GJD2: variants seen among roughly 807,000 people sequenced by gnomAD.
GJD2 encodes the protein gap junction protein delta 2.
In GJD2, 12 loss-of-function variants were observed where a neutral mutation model predicts 24.3. That is an observed-to-expected ratio of 0.49 (90% CI 0.32 to 0.80). The LOEUF (loss-of-function observed/expected upper bound fraction) is 0.80. GJD2 is among the 30% of genes least tolerant of loss of function. The probability of loss-of-function intolerance (pLI) is 0.04; values close to 1 mark genes in which losing one functional copy is unlikely to be tolerated. For synonymous variants in GJD2, 171 were observed against 155.2 expected (o/e 1.10, Z -0.76); for missense variants, 268 against 402.4 (o/e 0.67, Z 2.86).
Position 34,754,994 on chromosome 15 carries a change from T to A in GJD2, c.-506A>T, listed in dbSNP as rs1163153647. The A allele has an allele frequency of 6.5e-6, 1 of 152,926 alleles. No individual in the cohort carries two copies. The highest frequency in any genetic ancestry group is 1.5e-5 in the Non-Finnish European group (1 of 68,602). The allele number at this position is 152,926 out of a possible 1,614,324, so 9.5% of individuals were successfully genotyped here. A position where few individuals can be genotyped will look rare whatever the true frequency, so the allele number is the denominator to read the frequency against. ...CGGAGCCGAATGCTGGGCTCGGGGA[T>A]CCGCGGCCGCCGCCTCTAATCCGCC... On this transcript the variant is annotated 5_prime_UTR_variant, in exon 1 of 2. Transcript: ENST00000290374. The surrounding 1 kb of genome is among the most constrained non-coding windows in gnomAD (Gnocchi z 5.9).
chr15:34,753,186 C>A lies in GJD2; in HGVS notation c.258G>T (p.Val86=), dbSNP rs145061104. ...IRYWVFQIIM[V]CTPSLCFITY... ...TGATGAAGCAAAGACTGGGGGTACA[C>A]ACCATTATGATCTGGAAGACCCAGT... Residue 86 remains valine (V), a synonymous_variant, in exon 2 of 2, where the codon GTG becomes GTT. Transcript: ENST00000290374. 38 of 1,613,998 alleles carry A rather than the reference C, an allele frequency of 2.4e-5. No homozygotes were observed. Among genetic ancestry groups the A allele is most frequent in the Non-Finnish European group, 3.2e-5 (38 of 1,180,024 alleles).
chr15:34,754,398 C>A lies in GJD2; in HGVS notation c.71+20G>T, dbSNP rs746975619. On this transcript the variant is annotated intron_variant, in intron 1 of 1. Coordinates refer to ENST00000290374, the MANE Select transcript of GJD2 (RefSeq NM_020660.3). This position sits in a 1 kb window ranked among gnomAD's most constrained non-coding sequence, Gnocchi z 5.9. ...GGGCCGCCCGACGGGGCCCCCTGACCGCCGGCTTGGCGCCCTTACCTCCCG... is the reference window on the plus strand; with the variant it reads ...GGGCCGCCCGACGGGGCCCCCTGACAGCCGGCTTGGCGCCCTTACCTCCCG... 4 of 1,608,936 alleles carry A rather than the reference C, an allele frequency of 2.5e-6. No individual in the cohort carries two copies. Among genetic ancestry groups the A allele is most frequent in the Non-Finnish European group, 3.4e-6 (4 of 1,175,792 alleles).
rs960865184 is a variant in GJD2, at chr15:34,754,447, C to T, written c.42G>A (p.Ala14=). ...CGATCATAGTGGAGTGCTGCTGCAC[C>T]GCGGCTTCTAGCAGCCTCTCCAAGA... ...WTILERLLEA[A]VQQHSTMIGR... The change falls in exon 1 of 2, where the codon GCG becomes GCA. Residue 14 remains alanine (A), a synonymous_variant. Coordinates refer to ENST00000290374, the MANE Select transcript of GJD2 (RefSeq NM_020660.3). The surrounding 1 kb of genome is among the most constrained non-coding windows in gnomAD (Gnocchi z 5.9). The T allele has an allele frequency of 1.2e-5, 20 of 1,613,860 alleles. No individual in the cohort carries two copies. Among genetic ancestry groups the T allele is most frequent in the African/African-American group, 1.3e-5 (1 of 74,914 alleles).
Position 34,754,368 on chromosome 15 carries a change from C to T in GJD2, c.71+50G>A, listed in dbSNP as rs1891154366. Reference sequence around the variant, plus strand: ...CTCAGTCCAGGTGTGAGAAGGGACTCCCGGGGGCCGCCCGACGGGGCCCCC... The same window carrying T: ...CTCAGTCCAGGTGTGAGAAGGGACTTCCGGGGGCCGCCCGACGGGGCCCCC... On this transcript the variant is annotated intron_variant, in intron 1 of 1. Coordinates refer to ENST00000290374, the MANE Select transcript of GJD2 (RefSeq NM_020660.3). This position sits in a 1 kb window ranked among gnomAD's most constrained non-coding sequence, Gnocchi z 5.9. 1 of 1,358,446 alleles carries T rather than the reference C, an allele frequency of 7.4e-7. No individual in the cohort carries two copies. The highest frequency in any genetic ancestry group is 1.4e-5 in the African/African-American group (1 of 70,170). The allele number at this position is 1,358,446 out of a possible 1,614,324, so 84.1% of individuals were successfully genotyped here.
rs1421372593 is a variant in GJD2 at position 34,754,685 on chromosome 15, C to T, written c.-197G>A. 1.7e-6 allele frequency: 1 copy of T among 574,792 alleles called. No homozygotes were observed. Among genetic ancestry groups the T allele is most frequent in the African/African-American group, 1.9e-5 (1 of 52,958 alleles). The allele number at this position is 574,792 out of a possible 1,614,324, so 35.6% of individuals were successfully genotyped here. The stretch of plus-strand genomic sequence containing the variant: ...GAAGAAATGGGGAAAGAAATCCAAG[C>T]GCGTCCCGACCGATGGGGCAGTTGG... On this transcript the variant is annotated 5_prime_UTR_variant, in exon 1 of 2. Transcript: ENST00000290374. This position sits in a 1 kb window ranked among gnomAD's most constrained non-coding sequence, Gnocchi z 5.9.
rs760821877 is a variant in GJD2, at chr15:34,754,281, G to A, written c.71+137C>T. 6 of 666,418 alleles carry A rather than the reference G, an allele frequency of 9.0e-6. No individual in the cohort carries two copies. The highest frequency in any genetic ancestry group is 2.4e-5 in the Admixed American group (1 of 41,728). 41.3% of individuals were successfully genotyped at this position (666,418 alleles called of 1,614,324 possible). On this transcript the variant is annotated intron_variant, in intron 1 of 1. Coordinates refer to ENST00000290374, the MANE Select transcript of GJD2 (RefSeq NM_020660.3). This position sits in a 1 kb window ranked among gnomAD's most constrained non-coding sequence, Gnocchi z 5.9. ...GTAATCCCTCATCGCCGGGAACACCGGAGCCTTGACCTAGGACGATGGGGA... is the reference window on the plus strand; with the variant it reads ...GTAATCCCTCATCGCCGGGAACACCAGAGCCTTGACCTAGGACGATGGGGA...
chr15:34,751,300 A>G lies in GJD2; in HGVS notation c.*1178T>C, dbSNP rs1891099689. 6.6e-6 allele frequency: 1 copy of G among 152,258 alleles called. No individual in the cohort carries two copies. Among genetic ancestry groups the G allele is most frequent in the African/African-American group, 2.4e-5 (1 of 41,474 alleles). The allele number at this position is 152,258 out of a possible 1,614,324, so 9.4% of individuals were successfully genotyped here. On this transcript the variant is annotated 3_prime_UTR_variant, in exon 2 of 2. Coordinates refer to ENST00000290374, the MANE Select transcript of GJD2 (RefSeq NM_020660.3). ...CAATAGGTTTTTGAACCTTTGGTAT[A>G]TGTCTCAAATAAGTCACCGTAAACA...
rs572193 is a variant in GJD2, at chr15:34,751,955, G to A, written c.*523C>T. 12,163 of 21,060 alleles carry A rather than the reference G, an allele frequency of 0.58. 3,482 individuals are homozygous for A. The highest frequency in any genetic ancestry group is 0.67 in the Non-Finnish European group (7,873 of 11,774). The allele number at this position is 21,060 out of a possible 1,614,324, so 1.3% of individuals were successfully genotyped here. On this transcript the variant is annotated 3_prime_UTR_variant, in exon 2 of 2. Transcript: ENST00000290374. ...AGGTCTAATGTAAGGCCAGATTCTG[G>A]AAAAAAAAAAAAAAAAAAAAAAAAA...
rs1337402797 is a variant in GJD2 at position 34,753,234 on chromosome 15, G to C, written c.210C>G (p.Ala70=). ...PGCNQACYDR[A]FPISHIRYWV... ...AGTAACGTATGTGGGAGATGGGGAA[G>C]GCGCGGTCATAGCAGGCCTGGTTAC... Residue 70 remains alanine, a synonymous_variant, in exon 2 of 2, where the codon GCC becomes GCG. Transcript: ENST00000290374. 1.2e-6 allele frequency: 2 copies of C among 1,614,084 alleles called. No homozygotes were observed. Among genetic ancestry groups the C allele is most frequent in the Non-Finnish European group, 1.7e-6 (2 of 1,180,034 alleles).
chr15:34,753,489 C>T, intron 1 of GJD2, 117 bp from the exon 2 acceptor site: 3 of 886,600 alleles, frequency 3.4e-6, no homozygotes, highest in Non-Finnish European at 5.1e-6. Context: ...GGGAGCTGTC[C>T]ATCCCGGGCT....
Position 34,751,838 on chromosome 15 carries a change from G to T in GJD2, c.*640C>A, listed in dbSNP as rs985445805. The T allele has an allele frequency of 3.4e-5, 5 of 147,146 alleles. No individual in the cohort carries two copies. The highest frequency in any genetic ancestry group is 1.4e-4 in the Admixed American group (2 of 14,392). 9.1% of individuals were successfully genotyped at this position (147,146 alleles called of 1,614,324 possible). A position where few individuals can be genotyped will look rare whatever the true frequency, so the allele number is the denominator to read the frequency against. The stretch of plus-strand genomic sequence containing the variant: ...AGGTTTTCATCACGACTAAGGGCCA[G>T]TCAGATGGGGCTCTAATGAAAACCT... On this transcript the variant is annotated 3_prime_UTR_variant, in exon 2 of 2. Coordinates refer to ENST00000290374, the MANE Select transcript of GJD2 (RefSeq NM_020660.3).
Position 34,751,961 on chromosome 15 carries a change from A to G in GJD2, c.*517T>C, listed in dbSNP as rs1881784630. The G allele has an allele frequency of 2.0e-5, 3 of 146,500 alleles. No homozygotes were observed. The highest frequency in any genetic ancestry group is 4.5e-5 in the Non-Finnish European group (3 of 66,896). 9.1% of individuals were successfully genotyped at this position (146,500 alleles called of 1,614,324 possible). A position where few individuals can be genotyped will look rare whatever the true frequency, so the allele number is the denominator to read the frequency against. ...AATGTAAGGCCAGATTCTGGAAAAA[A>G]AAAAAAAAAAAAAAAAAAAGCTGGC... On this transcript the variant is annotated 3_prime_UTR_variant, in exon 2 of 2. Transcript: ENST00000290374.
chr15:34,753,939 G>A (rs1891148218), intron 1 of GJD2, among the ~76,000 whole-genome samples: 4 of 152,146 alleles, frequency 2.6e-5, no homozygotes. Flanking sequence ...AATTGGGTGT[G>A]TAGGCTCGGT....
intron 1 of GJD2, 101 bp from the exon 2 acceptor site, chr15:34,753,473 T>A: frequency 9.2e-7 from 1 of 1,082,212 alleles, no homozygotes; most frequent in Non-Finnish European, 1.3e-6. Flanking sequence ...ACCAGTCTTT[T>A]GACTGGGGAG....
Position 34,753,125 on chromosome 15 carries a change from G to A in GJD2, c.319C>T (p.Arg107Cys), listed in dbSNP as rs202150693. The change falls in exon 2 of 2, where the codon CGC becomes TGC. Residue 107 changes from arginine (R) to cysteine (C), a missense_variant. Arg to Cys is a radical substitution (Grantham distance 180). Around this residue, in one of 3 missense-constraint regions of GJD2, gnomAD observed 87 missense variants for 77.8 expected, o/e 1.12. Coordinates refer to ENST00000290374, the MANE Select transcript of GJD2 (RefSeq NM_020660.3). Reference sequence around the variant, plus strand: ...GCTAGGAAGACTGTAGAGTAGCGGCGTTCTCGCTGCTTGGCGGACTGGTGC... The same window carrying A: ...GCTAGGAAGACTGTAGAGTAGCGGCATTCTCGCTGCTTGGCGGACTGGTGC... Reference protein sequence around the residue: ...SVHQSAKQRERRYSTVFLALD... With the variant: ...SVHQSAKQRECRYSTVFLALD... 8 of 1,614,006 alleles carry A rather than the reference G, an allele frequency of 5.0e-6. No individual in the cohort carries two copies. Among genetic ancestry groups the A allele is most frequent in the Non-Finnish European group, 6.8e-6 (8 of 1,180,036 alleles).
At position 34,754,483 on chromosome 15, in the gene GJD2, C is replaced by T; in HGVS notation, c.6G>A (p.Gly2=). ...GCAGCCTCTCCAAGATGGTCCATTC[C>T]CCCATCGCTGTGCATCCGGAGGCAG... M[G]EWTILERLLE... is the part of the protein sequence containing the mutation. The change falls in exon 1 of 2, where the codon GGG becomes GGA. Residue 2 remains glycine (G), a synonymous_variant. Coordinates refer to ENST00000290374, the MANE Select transcript of GJD2 (RefSeq NM_020660.3). The surrounding 1 kb of genome is among the most constrained non-coding windows in gnomAD (Gnocchi z 5.9). The T allele has an allele frequency of 6.2e-7, 1 of 1,613,586 alleles. No homozygotes were observed. Among genetic ancestry groups the T allele is most frequent in the African/African-American group, 1.3e-5 (1 of 75,048 alleles).
In GJD2 at chr15:34,751,567, C is replaced by T. The variant is rs2140413383; in HGVS notation, c.*911G>A. On this transcript the variant is annotated 3_prime_UTR_variant, in exon 2 of 2. Transcript: ENST00000290374. ...GAGTGAGATACACCAGTTACAAATGCTGTGGCTCAGCTAGACACTCTTGAT... is the reference window on the plus strand; with the variant it reads ...GAGTGAGATACACCAGTTACAAATGTTGTGGCTCAGCTAGACACTCTTGAT... The T allele has an allele frequency of 6.6e-6, 1 of 152,244 alleles. No homozygotes were observed. The highest frequency in any genetic ancestry group is 1.5e-5 in the Non-Finnish European group (1 of 68,026). The allele number at this position is 152,244 out of a possible 1,614,324, so 9.4% of individuals were successfully genotyped here. A position where few individuals can be genotyped will look rare whatever the true frequency, so the allele number is the denominator to read the frequency against.
chr15:34,752,594 C>T lies in GJD2; in HGVS notation c.850G>A (p.Val284Met). Reference protein sequence around the residue: ...HLGWRKIKLAVRGAQAKRKSI... With the variant: ...HLGWRKIKLAMRGAQAKRKSI... ...TTTCTCTTGGCCTGAGCCCCTCGCA[C>T]AGCCAGCTTGATCTTGCGCCATCCC... The change falls in exon 2 of 2, where the codon GTG becomes ATG. Residue 284 changes from valine (V) to methionine (M), a missense_variant. Transcript: ENST00000290374. 3.7e-6 allele frequency: 6 copies of T among 1,614,238 alleles called. No homozygotes were observed. The highest frequency in any genetic ancestry group is 5.1e-6 in the Non-Finnish European group (6 of 1,180,036).
In GJD2 at chr15:34,753,020, C is replaced by A. The variant is rs1891128807; in HGVS notation, c.424G>T (p.Asp142Tyr). 1.2e-6 allele frequency: 2 copies of A among 1,614,168 alleles called. No individual in the cohort carries two copies. Among genetic ancestry groups the A allele is most frequent in the Non-Finnish European group, 1.7e-6 (2 of 1,180,032 alleles). ...GGGSGGGKRE[D>Y]KKLQNAIVNG... ...ACAATAGCATTTTGCAACTTCTTAT[C>A]TTCTCGTTTGCCCCCACCACTGCCC... The change falls in exon 2 of 2, where the codon GAT becomes TAT. Residue 142 changes from aspartate (D) to tyrosine (Y), a missense_variant. Coordinates refer to ENST00000290374, the MANE Select transcript of GJD2 (RefSeq NM_020660.3).
Sources: allele counts gnomAD v4.1 joint callset (sites outside exome capture counted in the v4.1 genomes callset), GRCh38; gene constraint gnomAD v4.1.1; regional missense constraint gnomAD v4.1.1; non-coding constraint Gnocchi (gnomAD v3.1); transcripts MANE v1.5; gene names NCBI Gene and HGNC (gene_info 2026-07-23, HGNC 2026-07-21).